Variants in TNS3 observed in about 807,000 individuals in gnomAD.
The protein encoded by TNS3 is tensin 3.
TNS3 carries 45 observed loss-of-function variants against 140.9 expected under a neutral mutation model. The observed-to-expected ratio is 0.32, with a 90% CI of 0.25 to 0.41. The LOEUF is 0.41. TNS3 is among the 10% of genes least tolerant of loss of function. The pLI, the probability that TNS3 is intolerant of heterozygous loss-of-function variation, is 1.00. For synonymous variants in TNS3, 815 were observed against 788.4 expected (o/e 1.03, Z -0.56); for missense variants, 1,716 against 1,906.7 (o/e 0.90, Z 1.86).
In TNS3 at chr7:47,303,496, G is replaced by A; in HGVS notation, c.2911C>T (p.Leu971Phe). Residue 971 changes from leucine to phenylalanine, a missense_variant, in exon 22 of 31, where the codon CTC becomes TTC. Leu to Phe is a conservative substitution (Grantham distance 22, BLOSUM62 0). Coordinates refer to ENST00000311160, the MANE Select transcript of TNS3 (RefSeq NM_022748.12). ...LGSGRPTGSP[L>F]SAEFSGTRKD... ...CTGGTACCGGAGAACTCAGCGCTGA[G>A]GGGACTTCCGGTGGGCCGGCCGCTC... The A allele has an allele frequency of 1.2e-6, 2 of 1,610,004 alleles. No homozygotes were observed. Among genetic ancestry groups the A allele is most frequent in the Non-Finnish European group, 1.7e-6 (2 of 1,179,864 alleles).
chr7:47,368,370 C>T lies in TNS3; in HGVS notation c.2276G>A (p.Arg759Gln), dbSNP rs201170373. Residue 759 changes from arginine to glutamine, a missense_variant, in exon 17 of 31, where the codon CGG becomes CAG. Coordinates refer to ENST00000311160, the MANE Select transcript of TNS3 (RefSeq NM_022748.12). ...TGEGPSRATG[R>Q]QGSSAEQPLG... ...CCCATGGAGACCCAGCTCACCTTGC[C>T]GCCCGGTGGCCCTGCTGGGGCCCTC... 77 of 1,484,916 alleles carry T rather than the reference C, an allele frequency of 5.2e-5. No individual in the cohort carries two copies. Among genetic ancestry groups the T allele is most frequent in the Admixed American group, 3.8e-4 (16 of 42,098 alleles). 92.0% of individuals were successfully genotyped at this position (1,484,916 alleles called of 1,614,324 possible). A position where few individuals can be genotyped will look rare whatever the true frequency, so the allele number is the denominator to read the frequency against.
chr7:47,527,590 T>C (rs1224464504), intron 2 of TNS3, among the ~76,000 whole-genome samples: 1 of 152,156 alleles, frequency 6.6e-6, no homozygotes, highest in African/African-American at 2.4e-5. Flanking sequence ...CATTCACAGA[T>C]GACCAAGATA....
intron 16 of TNS3, among the ~76,000 whole-genome samples, chr7:47,379,275 T>C (rs1791604185): frequency 6.6e-6 from 1 of 152,222 alleles, no homozygotes; most frequent in Admixed American, 6.5e-5. Context: ...CAAGGGGCGT[T>C]GTATTATCTT....
At chr7:47,291,254 T>C (rs890095937) in intron 27 of TNS3, among the ~76,000 whole-genome samples, 1 of 152,200 alleles carries the variant, frequency 6.6e-6, no homozygotes, top group Admixed American at 6.5e-5. Flanking sequence ...GTAACGGTGA[T>C]TACCTGTCAT....
At chr7:47,315,329 G>A (rs1235634475) in intron 20 of TNS3, among the ~76,000 whole-genome samples, 1 of 152,212 alleles carries the variant, frequency 6.6e-6, no homozygotes, top group Non-Finnish European at 1.5e-5. Context: ...GGGGTGAGGT[G>A]GCCGGGAAGG....
rs145795100 is a variant in TNS3 at position 47,404,222 on chromosome 7, G to A, written c.724-3308C>T. Among the ~76,000 whole-genome samples the A allele has an allele frequency of 5.3e-5, 8 of 152,324 alleles. No homozygotes were observed. The East Asian group carries it at 1.4e-3, about 26-fold the overall frequency. ...ATCATAGAGCCAACCACAAAAGTAC[G>A]TGGGTGTGATGTTGACATCACAAAT... On this transcript the variant is annotated intron_variant, in intron 13 of 30. Coordinates refer to ENST00000311160, the MANE Select transcript of TNS3 (RefSeq NM_022748.12).
chr7:47,510,024 A>AGGG (rs1477431972), intron 2 of TNS3, among the ~76,000 whole-genome samples: 5 of 152,172 alleles, frequency 3.3e-5, no homozygotes, highest in Non-Finnish European at 5.9e-5. Flanking sequence ...CTGCATGCGT[A>AGGG]TTGCCAAATT....
chr7:47,568,508 T>TGA (rs1800479481), intron 1 of TNS3, among the ~76,000 whole-genome samples: 1 of 152,180 alleles, frequency 6.6e-6, no homozygotes, highest in African/African-American at 2.4e-5. Flanking sequence ...TCACTGAACA[T>TGA]GAGCTGCATG....
At chr7:47,366,685 C>T (rs1342591039) in intron 17 of TNS3, among the ~76,000 whole-genome samples, 1 of 148,126 alleles carries the variant, frequency 6.8e-6, no homozygotes, top group Non-Finnish European at 1.5e-5. Flanking sequence ...ACACTGAGTC[C>T]ACACCTCAGG....
chr7:47,582,121 G>T (rs954903262), upstream of TNS3: 1 of 151,500 alleles, frequency 6.6e-6, no homozygotes, highest in African/African-American at 2.4e-5. Flanking sequence ...TAGCGCGCGG[G>T]CGGGCCCGTC....
intron 10 of TNS3, among the ~76,000 whole-genome samples, chr7:47,422,732 A>G (rs1321474144): frequency 6.6e-6 from 1 of 152,206 alleles, no homozygotes; most frequent in East Asian, 1.9e-4. Flanking sequence ...AAAAAAGAAA[A>G]GACGACAGCT....
At chr7:47,335,769 C>T (rs1246007450) in intron 20 of TNS3, among the ~76,000 whole-genome samples, 3 of 152,130 alleles carry the variant, frequency 2.0e-5, no homozygotes, top group African/African-American at 7.2e-5. Flanking sequence ...ATGTTCTGGT[C>T]CAATCTTCTC....
In TNS3 at chr7:47,409,958, G is replaced by A. The variant is rs527425278; in HGVS notation, c.723+1769C>T. ...AGGCGTGAGCCACTGCGCCCAGCCC[G>A]GCCTCCTCTTTAAAGCTGGAACACT... On this transcript the variant is annotated intron_variant, in intron 13 of 30. Coordinates refer to ENST00000311160, the MANE Select transcript of TNS3 (RefSeq NM_022748.12). 1.5e-3 allele frequency among the ~76,000 whole-genome samples: 224 copies of A among 152,222 alleles called. 2 individuals carry two copies. Among genetic ancestry groups the A allele is most frequent in the Non-Finnish European group, 1.7e-3 (114 of 68,004 alleles).
chr7:47,543,304 A>C (rs1161060073), intron 1 of TNS3, among the ~76,000 whole-genome samples: 1 of 152,244 alleles, frequency 6.6e-6, no homozygotes, highest in African/African-American at 2.4e-5. Flanking sequence ...TCACCTATCC[A>C]GCAAACATCT....
At position 47,363,248 on chromosome 7, in the gene TNS3, T is replaced by C. The variant is rs535361049; in HGVS notation, c.2281+5117A>G. The stretch of plus-strand genomic sequence containing the variant: ...ATCATTACAATCAACACCACCACCA[T>C]ATCCATCACCACCATCAATATCATC... On this transcript the variant is annotated intron_variant, in intron 17 of 30. Coordinates refer to ENST00000311160, the MANE Select transcript of TNS3 (RefSeq NM_022748.12). Among the ~76,000 whole-genome samples the C allele has an allele frequency of 2.0e-5, 3 of 148,274 alleles. No homozygotes were observed. In the East Asian group the frequency reaches 6.1e-4, roughly 30 times the overall value.
intron 20 of TNS3, among the ~76,000 whole-genome samples, chr7:47,332,236 G>C (rs1355391043): frequency 2.0e-5 from 3 of 152,262 alleles, no homozygotes; most frequent in Non-Finnish European, 4.4e-5. Flanking sequence ...GCTGTCTAGA[G>C]GGGATGGAAC....
chr7:47,547,309 T>G (rs1022166571), intron 1 of TNS3, among the ~76,000 whole-genome samples: 14 of 151,918 alleles, frequency 9.2e-5, no homozygotes, highest in Admixed American at 3.3e-4. Context: ...TTAAGAGAGA[T>G]AAGGGGCCTG....
chr7:47,537,274 C>T (rs1799635553), intron 1 of TNS3, among the ~76,000 whole-genome samples: 1 of 152,166 alleles, frequency 6.6e-6, no homozygotes, highest in Non-Finnish European at 1.5e-5. Flanking sequence ...TGGCCGCCGG[C>T]CCAGGTCCCA....
At chr7:47,532,177 C>T (rs1199216731) in intron 1 of TNS3, among the ~76,000 whole-genome samples, 2 of 152,192 alleles carry the variant, frequency 1.3e-5, no homozygotes, top group Non-Finnish European at 2.9e-5. Flanking sequence ...GGACAAGTAC[C>T]AGGGCCTTGA....
Sources: allele counts gnomAD v4.1 joint callset (sites outside exome capture counted in the v4.1 genomes callset), GRCh38; gene constraint gnomAD v4.1.1; transcripts MANE v1.5; gene names NCBI Gene and HGNC (gene_info 2026-07-23, HGNC 2026-07-21).